The following METTL2A variants were observed in gnomAD, a reference collection of about 807,000 sequenced individuals.
METTL2A encodes methyltransferase 2A, tRNA N3-cytidine, also known as tRNA N(3)-cytidine methyltransferase METTL2A.
Under a neutral mutation model 49.4 loss-of-function variants are expected in METTL2A, and 45 were observed. The ratio of observed to expected loss-of-function variants is 0.91; its 90% CI spans 0.72 to 1.17. The LOEUF (loss-of-function observed/expected upper bound fraction) is 1.17, where lower values mean the gene tolerates loss of function less well. Among genes scored for constraint, METTL2A ranks in the 50% most tolerant of loss-of-function variants. The probability of loss-of-function intolerance (pLI) is 0.00; values close to 1 mark genes in which losing one functional copy is unlikely to be tolerated. For missense variants in METTL2A, 361 were observed against 462.2 expected (o/e 0.78, Z 2.01); for synonymous variants, 118 against 167.5 (o/e 0.70, Z 2.28).
chr17:62,424,574 C>A (rs377004861), intron 2 of METTL2A, among the ~76,000 whole-genome samples: 16 of 152,076 alleles, frequency 1.1e-4, no homozygotes, highest in African/African-American at 3.9e-4. Flanking sequence ...TTAGTAGATC[C>A]ACGTTGATAT....
intron 6 of METTL2A, among the ~76,000 whole-genome samples, chr17:62,441,764 G>A (rs1330756100): frequency 1.2e-4 from 17 of 143,704 alleles, no homozygotes; most frequent in African/African-American, 2.9e-4. Context: ...TTTTGAAGAC[G>A]GAGTCTTGCT....
At chr17:62,438,994 T>C (rs1453982605) in intron 5 of METTL2A, among the ~76,000 whole-genome samples, 1 of 147,662 alleles carries the variant, frequency 6.8e-6, no homozygotes, top group Non-Finnish European at 1.5e-5. Flanking sequence ...TTTTTTTTTT[T>C]TTGCGACGGA....
At chr17:62,424,155 C>T in intron 1 of METTL2A, 64 bp from the exon 2 acceptor site, 2 of 1,610,438 alleles carry the variant, frequency 1.2e-6, no homozygotes, top group South Asian at 1.1e-5. Context: ...ACTCCTAGGC[C>T]AGCGACTCAC....
In METTL2A at chr17:62,451,291, C is replaced by T. The variant is rs2070804347; in HGVS notation, c.*2562C>T. ...CCTCCCAAGTAGCTGGAATTACAGG[C>T]ATGTGCCACCATTCCCGGCTAATTT... On this transcript the variant is annotated 3_prime_UTR_variant, in exon 9 of 9. Transcript: ENST00000311506. 6.6e-6 allele frequency among the ~76,000 whole-genome samples: 1 copy of T among 151,802 alleles called. No homozygotes were observed. The highest frequency in any genetic ancestry group is 6.6e-5 in the Admixed American group (1 of 15,256).
intron 5 of METTL2A, among the ~76,000 whole-genome samples, chr17:62,436,932 T>C (rs2070704217): frequency 6.6e-6 from 1 of 152,174 alleles, no homozygotes; most frequent in South Asian, 2.1e-4. Context: ...AAAAAACCTT[T>C]CTTGCCATTT....
At chr17:62,428,815 G>T (rs1041357887) in intron 4 of METTL2A, among the ~76,000 whole-genome samples, 15 of 152,178 alleles carry the variant, frequency 9.9e-5, no homozygotes, top group Non-Finnish European at 1.9e-4. Context: ...ACAAGCTCTT[G>T]TTCTGTCATC....
chr17:62,439,779 T>C (rs1274293944), intron 5 of METTL2A, among the ~76,000 whole-genome samples: 2 of 152,090 alleles, frequency 1.3e-5, no homozygotes, highest in Non-Finnish European at 2.9e-5. Context: ...TTTTTCCCTG[T>C]TGGTCACTCA....
intron 2 of METTL2A, among the ~76,000 whole-genome samples, chr17:62,425,586 C>T (rs1449979305): frequency 2.0e-5 from 3 of 147,938 alleles, no homozygotes; most frequent in South Asian, 2.2e-4. Flanking sequence ...GGGGTTTCAC[C>T]GTGCTGGCCA....
At chr17:62,443,874 A>G (rs1463966592) in intron 6 of METTL2A, among the ~76,000 whole-genome samples, 1 of 151,978 alleles carries the variant, frequency 6.6e-6, no homozygotes, top group Non-Finnish European at 1.5e-5. Context: ...GTTTTTTTTA[A>G]GAGGGAAACA....
In METTL2A at chr17:62,451,833, T is replaced by A. The variant is rs1319197174; in HGVS notation, c.*3104T>A. On this transcript the variant is annotated 3_prime_UTR_variant, in exon 9 of 9. Transcript: ENST00000311506. ...TGAATCTGGGAGGCGGAGGTTGCAGTGAGCCGAGATGGCACCATTGCACTC... is the reference window on the plus strand; with the variant it reads ...TGAATCTGGGAGGCGGAGGTTGCAGAGAGCCGAGATGGCACCATTGCACTC... 1.3e-5 allele frequency among the ~76,000 whole-genome samples: 2 copies of A among 148,294 alleles called. No individual in the cohort carries two copies. The highest frequency in any genetic ancestry group is 3.0e-5 in the Non-Finnish European group (2 of 67,648).
rs2070691413 is a variant in METTL2A, at chr17:62,435,064, T to A, written c.609-168T>A. On this transcript the variant is annotated intron_variant, in intron 4 of 8. Coordinates refer to ENST00000311506, the MANE Select transcript of METTL2A (RefSeq NM_181725.4). ...CCACAGAGCCTCCAAAAGGATATAA[T>A]TCAAAAGGGATTTTAACCAAAATGA... is the stretch of plus-strand genomic sequence containing the variant. 2.9e-6 allele frequency: 3 copies of A among 1,040,438 alleles called. No homozygotes were observed. The East Asian group carries it at 7.8e-5, about 27-fold the overall frequency. The allele number at this position is 1,040,438 out of a possible 1,614,324, so 64.5% of individuals were successfully genotyped here. A position where few individuals can be genotyped will look rare whatever the true frequency, so the allele number is the denominator to read the frequency against.
chr17:62,441,349 GA>G (rs1167683404), intron 6 of METTL2A, among the ~76,000 whole-genome samples: 1 of 152,194 alleles, frequency 6.6e-6, no homozygotes, highest in Non-Finnish European at 1.5e-5. Flanking sequence ...AGTATGTGGG[GA>G]AATTCCTATT....
rs752059749 is a variant in METTL2A, at chr17:62,423,921, G to T, written c.19G>T (p.Glu7Ter). The change falls in exon 1 of 9, where the codon GAA (glutamate) becomes TAA (stop). Residue 7 changes from glutamate to a stop codon, truncating the protein, a stop_gained. Coordinates refer to ENST00000311506, the MANE Select transcript of METTL2A (RefSeq NM_181725.4). LOFTEE classifies it high-confidence loss of function. ...CGGTGTCATGGCCGGCTCCTACCCT[G>T]AAGGTGCACCTGCAGTCCTCGCCGA... MAGSYP[E>*]GAPAVLADKR... is the part of the protein sequence containing the mutation. 2 of 1,613,200 alleles carry T rather than the reference G, an allele frequency of 1.2e-6. No homozygotes were observed. The highest frequency in any genetic ancestry group is 2.2e-5 in the South Asian group (2 of 90,878).
intron 2 of METTL2A, among the ~76,000 whole-genome samples, chr17:62,425,543 C>T (rs112337116): frequency 1.1e-4 from 16 of 149,794 alleles, no homozygotes; most frequent in African/African-American, 3.4e-4. Flanking sequence ...TGCACCACCA[C>T]GCCTGGCTAA....
intron 5 of METTL2A, among the ~76,000 whole-genome samples, chr17:62,440,352 T>C (rs1409564924): frequency 2.0e-5 from 3 of 152,128 alleles, no homozygotes; most frequent in African/African-American, 7.2e-5. Flanking sequence ...AAAACCGCAA[T>C]TACTTTTTCA....
Position 62,452,015 on chromosome 17 carries a change from G to A in METTL2A, c.*3286G>A, listed in dbSNP as rs1397169881. 5.9e-5 allele frequency among the ~76,000 whole-genome samples: 9 copies of A among 152,114 alleles called. 1 individual carries two copies. The South Asian group carries it at 6.2e-4, about 10-fold the overall frequency. The stretch of plus-strand genomic sequence containing the variant: ...GCGGAGGTTGCGGTGAGCCGAGATC[G>A]CGCCATTGCACTCCAGCCTGGGCAA... On this transcript the variant is annotated 3_prime_UTR_variant, in exon 9 of 9. Transcript: ENST00000311506.
intron 5 of METTL2A, among the ~76,000 whole-genome samples, chr17:62,438,895 CT>C (rs2070718904): frequency 6.6e-6 from 1 of 151,430 alleles, no homozygotes; most frequent in African/African-American, 2.4e-5. Context: ...TCACTGTGGC[CT>C]TGATCTCCTG....
rs1306276178 is a variant in METTL2A at position 62,452,038 on chromosome 17, CAACAGTGAGACTCCGTCTCAAAATAAAA to C, written c.*3314_*3341del. Among the ~76,000 whole-genome samples, 2 of 152,076 alleles carry C rather than the reference CAACAGTGAGACTCCGTCTCAAAATAAAA, an allele frequency of 1.3e-5. No homozygotes were observed. Among genetic ancestry groups the C allele is most frequent in the Non-Finnish European group, 2.9e-5 (2 of 68,028 alleles). ...TCGCGCCATTGCACTCCAGCCTGGG[CAACAGTGAGACTCCGTCTCAAAATAAAA>C]AACAAAAAAAATGTAAAAAATAAAT... On this transcript the variant is annotated 3_prime_UTR_variant, in exon 9 of 9. Transcript: ENST00000311506.
intron 4 of METTL2A, among the ~76,000 whole-genome samples, chr17:62,431,537 G>T (rs1169869393): frequency 1.3e-5 from 2 of 151,900 alleles, no homozygotes; most frequent in Non-Finnish European, 2.9e-5. Context: ...CTTTTTTGTA[G>T]AAACGGGGTT....
Sources: gnomAD v4.1 joint callset for allele counts (sites outside exome capture counted in the v4.1 genomes callset) on GRCh38, gnomAD v4.1.1 for gene constraint, MANE v1.5 for transcripts, NCBI Gene and HGNC (gene_info 2026-07-23, HGNC 2026-07-21) for gene names.